VWC2L: variants seen among roughly 807,000 people sequenced by gnomAD.
VWC2L encodes von Willebrand factor C domain containing 2 like, also known as von Willebrand factor C domain-containing protein 2-like.
Under a neutral mutation model 21.6 loss-of-function variants are expected in VWC2L, and 10 were observed. The observed-to-expected ratio is 0.46, with a 90% confidence interval of 0.29 to 0.78. VWC2L has a LOEUF of 0.78. Among genes scored for constraint, VWC2L ranks in the 30% least tolerant of loss-of-function variants. The pLI is 0.10. For missense variants in VWC2L, 209 were observed against 277.1 expected (o/e 0.75, Z 1.74); for synonymous variants, 96 against 94.3 (o/e 1.02, Z -0.10).
chr2:214,555,171 T>G (rs73074673), intron 3 of VWC2L, among the ~76,000 whole-genome samples: 1 of 152,200 alleles, frequency 6.6e-6, no homozygotes, highest in Non-Finnish European at 1.5e-5. Flanking sequence ...TTTCTACCAA[T>G]TGCCATCAGA....
chr2:214,563,578 A>AAAAAAAAAAAAAAAAAAAC (rs1229933171), intron 3 of VWC2L, among the ~76,000 whole-genome samples: 1 of 133,530 alleles, frequency 7.5e-6, no homozygotes, highest in Non-Finnish European at 1.6e-5. Flanking sequence ...AAAAAAAAAA[A>AAAAAAAAAAAAAAAAAAAC]AAATCAAGTG....
At position 214,575,892 on chromosome 2, in the gene VWC2L, AAAACAAAAC is replaced by A; in HGVS notation, c.*80_*88del. ...CTTCAACACTGCACATGTTTAACAC[AAAACAAAAC>A]AAACAAACTCCTGCCAGCTACAACA... On this transcript the variant is annotated 3_prime_UTR_variant, in exon 4 of 4. Coordinates refer to ENST00000312504, the MANE Select transcript of VWC2L (RefSeq NM_001080500.4). The A allele has an allele frequency of 1.3e-6, 2 of 1,491,174 alleles. No homozygotes were observed. The highest frequency in any genetic ancestry group is 1.8e-6 in the Non-Finnish European group (2 of 1,106,902). 92.4% of individuals were successfully genotyped at this position (1,491,174 alleles called of 1,614,324 possible). A position where few individuals can be genotyped will look rare whatever the true frequency, so the allele number is the denominator to read the frequency against.
chr2:214,430,551 A>T (rs1291520408), intron 2 of VWC2L, among the ~76,000 whole-genome samples: 1 of 152,180 alleles, frequency 6.6e-6, no homozygotes, highest in East Asian at 1.9e-4. Context: ...TTTTTAAATT[A>T]GACATCATAT....
At chr2:214,487,123 A>G (rs950869378) in intron 3 of VWC2L, among the ~76,000 whole-genome samples, 1 of 152,242 alleles carries the variant, frequency 6.6e-6, no homozygotes, top group Non-Finnish European at 1.5e-5. Flanking sequence ...TCTAAAAGCC[A>G]GGGAGACCTC....
chr2:214,482,843 CT>C (rs1414137036), intron 3 of VWC2L, among the ~76,000 whole-genome samples: 2 of 152,030 alleles, frequency 1.3e-5, no homozygotes, highest in African/African-American at 4.8e-5. Flanking sequence ...ATTTTTCCCC[CT>C]ATTTCTCCCT....
intron 3 of VWC2L, among the ~76,000 whole-genome samples, chr2:214,538,593 A>T (rs563231006): frequency 4.9e-5 from 5 of 102,228 alleles, no homozygotes; most frequent in African/African-American, 1.8e-4. Context: ...TTATAGTATA[A>T]TTTTTGTATA....
intron 3 of VWC2L, among the ~76,000 whole-genome samples, chr2:214,484,019 A>C (rs1688642446): frequency 6.6e-6 from 1 of 152,114 alleles, no homozygotes; most frequent in African/African-American, 2.4e-5. Flanking sequence ...GTTTCTGGCA[A>C]TCGCTGGCAA....
At chr2:214,530,214 T>C (rs760695109) in intron 3 of VWC2L, among the ~76,000 whole-genome samples, 1 of 152,184 alleles carries the variant, frequency 6.6e-6, no homozygotes, top group African/African-American at 2.4e-5. Flanking sequence ...ACAGCTCACC[T>C]TTCCTTAGTT....
chr2:214,424,183 G>T (rs932961752), intron 2 of VWC2L, among the ~76,000 whole-genome samples: 14 of 152,066 alleles, frequency 9.2e-5, no homozygotes, highest in Admixed American at 5.2e-4. Context: ...TAGGGTTTGG[G>T]AATCACTGCT....
intron 3 of VWC2L, among the ~76,000 whole-genome samples, chr2:214,466,370 A>G (rs1026488488): frequency 6.6e-6 from 1 of 151,922 alleles, no homozygotes; most frequent in African/African-American, 2.4e-5. Flanking sequence ...CTTTGTTCCT[A>G]TGAATGTAAA....
chr2:214,503,807 A>C (rs1303247403), intron 3 of VWC2L, among the ~76,000 whole-genome samples: 1 of 151,846 alleles, frequency 6.6e-6, no homozygotes, highest in Admixed American at 6.6e-5. Flanking sequence ...GTAAGATATG[A>C]GTATGTTGCT....
chr2:214,417,338 A>G (rs530374127), intron 2 of VWC2L, among the ~76,000 whole-genome samples: 36 of 148,122 alleles, frequency 2.4e-4, no homozygotes, highest in African/African-American at 8.6e-4. Flanking sequence ...ATCGATGTGA[A>G]GAGAGAAGGG....
chr2:214,467,792 G>A (rs1703241450), intron 3 of VWC2L, among the ~76,000 whole-genome samples: 1 of 152,062 alleles, frequency 6.6e-6, no homozygotes, highest in Non-Finnish European at 1.5e-5. Flanking sequence ...AATAACTACT[G>A]AGTACCTACT....
intron 1 of VWC2L, among the ~76,000 whole-genome samples, chr2:214,412,407 T>C (rs28593063): frequency 0.16 from 24,170 of 152,090 alleles, 2,369 homozygotes; most frequent in Non-Finnish European, 0.21. Flanking sequence ...AATTAGTAAA[T>C]TATATTTATG....
At chr2:214,483,085 G>A (rs1688629098) in intron 3 of VWC2L, among the ~76,000 whole-genome samples, 1 of 152,122 alleles carries the variant, frequency 6.6e-6, no homozygotes, top group Admixed American at 6.5e-5. Context: ...TATGAATGAG[G>A]AGGCTTGAAA....
chr2:214,533,422 G>A (rs1280031736), intron 3 of VWC2L, among the ~76,000 whole-genome samples: 1 of 151,870 alleles, frequency 6.6e-6, no homozygotes, highest in Admixed American at 6.6e-5. Context: ...GTCTTCCCAG[G>A]TCTCTACCCC....
chr2:214,526,966 T>G (rs1410637028), intron 3 of VWC2L, among the ~76,000 whole-genome samples: 1 of 152,156 alleles, frequency 6.6e-6, no homozygotes, highest in African/African-American at 2.4e-5. Context: ...TAGGTATCCA[T>G]CAACAGTGGA....
At chr2:214,452,247 C>A (rs4673827) in intron 3 of VWC2L, among the ~76,000 whole-genome samples, 1 of 152,060 alleles carries the variant, frequency 6.6e-6, no homozygotes, top group Non-Finnish European at 1.5e-5. Flanking sequence ...CCTCAACCTC[C>A]TGGGCTCAGA....
chr2:214,470,440 G>A (rs1703288864), intron 3 of VWC2L, among the ~76,000 whole-genome samples: 1 of 151,970 alleles, frequency 6.6e-6, no homozygotes, highest in African/African-American at 2.4e-5. Flanking sequence ...GTATTTTATA[G>A]GATTTAATTT....
Sources: gnomAD v4.1 joint callset for allele counts (sites outside exome capture counted in the v4.1 genomes callset) on GRCh38, gnomAD v4.1.1 for gene constraint, MANE v1.5 for transcripts, NCBI Gene and HGNC (gene_info 2026-07-23, HGNC 2026-07-21) for gene names.